Variants in CHD5 observed in about 807,000 individuals in gnomAD.
CHD5 encodes chromodomain helicase DNA binding protein 5.
A neutral mutation model predicts 230.3 loss-of-function variants in CHD5; 69 were observed. The ratio of observed to expected loss-of-function variants is 0.30; its 90% CI spans 0.25 to 0.37. The LOEUF (loss-of-function observed/expected upper bound fraction) is 0.37, where lower values mean the gene tolerates loss of function less well. Ranked by LOEUF, CHD5 falls within the 10% of genes least tolerant of loss-of-function variation. CHD5 has a pLI of 1.00. For missense variants in CHD5, 1,827 were observed against 2,622.8 expected (o/e 0.70, Z 6.63); for synonymous variants, 1,064 against 1,065.9 (o/e 1.00, Z 0.03).
At chr1:6,153,647 C>A (rs758416516) in intron 5 of CHD5, among the ~76,000 whole-genome samples, 2 of 152,042 alleles carry the variant, frequency 1.3e-5, no homozygotes, top group East Asian at 3.9e-4. Flanking sequence ...CTGGCCAACA[C>A]GGTGAAACCC....
chr1:6,159,904 A>C (rs563593732), intron 2 of CHD5, among the ~76,000 whole-genome samples: 1 of 152,376 alleles, frequency 6.6e-6, no homozygotes, highest in Non-Finnish European at 1.5e-5. Context: ...GGGCTGAATT[A>C]GTTTTACATG....
intron 15 of CHD5, among the ~76,000 whole-genome samples, chr1:6,138,329 A>T (rs1401730702): frequency 6.6e-6 from 1 of 151,460 alleles, no homozygotes; most frequent in Non-Finnish European, 1.5e-5. Context: ...GTGAGCCGAG[A>T]TCACACCATT....
chr1:6,110,409 C>T lies in CHD5; in HGVS notation c.5367G>A (p.Leu1789=). ...GAAGACAGACCTTAAACCTGCGGGCCAGGAACTTGTTCTTCATCTCCAGGT... is the reference window on the plus strand; with the variant it reads ...GAAGACAGACCTTAAACCTGCGGGCTAGGAACTTGTTCTTCATCTCCAGGT... ...GNYLEMKNKF[L]ARRFKLLEQA... is the part of the protein sequence containing the mutation. Residue 1789 remains leucine, a synonymous_variant, in exon 37 of 42, where the codon CTG becomes CTA. Coordinates refer to ENST00000262450, the MANE Select transcript of CHD5 (RefSeq NM_015557.3). 6.2e-7 allele frequency: 1 copy of T among 1,614,014 alleles called. No homozygotes were observed. The highest frequency in any genetic ancestry group is 1.1e-5 in the South Asian group (1 of 91,082).
chr1:6,151,903 G>A (rs1342557037), intron 6 of CHD5, among the ~76,000 whole-genome samples: 1 of 152,172 alleles, frequency 6.6e-6, no homozygotes, highest in Non-Finnish European at 1.5e-5. Context: ...GTAAGACCTG[G>A]GCTTAGTGTC....
intron 15 of CHD5, among the ~76,000 whole-genome samples, chr1:6,139,225 TG>T (rs1666790979): frequency 1.7e-5 from 2 of 117,610 alleles, no homozygotes; most frequent in South Asian, 5.8e-4. Flanking sequence ...GTTCTGTTGT[TG>T]TTTTGTTGTT....
chr1:6,109,489 G>T (rs1666250849), intron 38 of CHD5, among the ~76,000 whole-genome samples: 1 of 152,224 alleles, frequency 6.6e-6, no homozygotes, highest in Non-Finnish European at 1.5e-5. Context: ...GTGCATTTAA[G>T]TCACGCTGTC....
At position 6,125,421 on chromosome 1, in the gene CHD5, T is replaced by C; in HGVS notation, c.4260+103A>G. 2 of 1,359,888 alleles carry C rather than the reference T, an allele frequency of 1.5e-6. No individual in the cohort carries two copies. Among genetic ancestry groups the C allele is most frequent in the Non-Finnish European group, 2.0e-6 (2 of 984,570 alleles). The allele number at this position is 1,359,888 out of a possible 1,614,324, so 84.2% of individuals were successfully genotyped here. ...GACCAAGTTCTGTCCAAGCTCCGCC[T>C]CTACCTGGCATGAGACCCGGGGCAG... On this transcript the variant is annotated intron_variant, in intron 28 of 41. Transcript: ENST00000262450. The surrounding 1 kb of genome is among the most constrained non-coding windows in gnomAD (Gnocchi z 6.7).
In CHD5 at chr1:6,155,764, C is replaced by T. The variant is rs376661672; in HGVS notation, c.388-47G>A. 4.2e-6 allele frequency: 6 copies of T among 1,440,444 alleles called. No individual in the cohort carries two copies. In the African/African-American group the frequency reaches 7.0e-5, roughly 17 times the overall value. 89.2% of individuals were successfully genotyped at this position (1,440,444 alleles called of 1,614,324 possible). The stretch of plus-strand genomic sequence containing the variant: ...GTAGAGTTGTTGAGGGGCCTTCTGA[C>T]CTGCACCCCCATCCCCAGGGTCTCT... On this transcript the variant is annotated intron_variant, in intron 3 of 41. Transcript: ENST00000262450. The surrounding 1 kb of genome is among the most constrained non-coding windows in gnomAD (Gnocchi z 4.0).
rs1316873029 is a variant in CHD5, at chr1:6,169,254, ACT to A, written c.80-979_80-978del. Among the ~76,000 whole-genome samples, 8 of 152,232 alleles carry A rather than the reference ACT, an allele frequency of 5.3e-5. No homozygotes were observed. In the South Asian group the frequency reaches 8.3e-4, roughly 16 times the overall value. On this transcript the variant is annotated intron_variant, in intron 1 of 41. Transcript: ENST00000262450. ...GTCCGCACTCCCCCACCTCCAACACACTCACAACGGGAAGCCAAGCGCATTCC... is the reference window on the plus strand; with the variant it reads ...GTCCGCACTCCCCCACCTCCAACACACACAACGGGAAGCCAAGCGCATTCC...
Position 6,155,500 on chromosome 1 carries a change from C to T in CHD5, c.506+99G>A. The T allele has an allele frequency of 9.5e-7, 1 of 1,049,634 alleles. No individual in the cohort carries two copies. The highest frequency in any genetic ancestry group is 1.6e-5 in the African/African-American group (1 of 63,908). The allele number at this position is 1,049,634 out of a possible 1,614,324, so 65.0% of individuals were successfully genotyped here. On this transcript the variant is annotated intron_variant, in intron 4 of 41. Coordinates refer to ENST00000262450, the MANE Select transcript of CHD5 (RefSeq NM_015557.3). This position sits in a 1 kb window ranked among gnomAD's most constrained non-coding sequence, Gnocchi z 4.0. ...TCAGTCGGTCTGACAGAGCCCACCC[C>T]TACCCCAGGTGCCGGGGCTTCACTC... is the stretch of plus-strand genomic sequence containing the variant.
rs950711215 is a variant in CHD5 at position 6,105,436 on chromosome 1, C to T, written c.*47-9G>A. The T allele has an allele frequency of 4.9e-5, 23 of 470,290 alleles. No homozygotes were observed. The highest frequency in any genetic ancestry group is 2.0e-4 in the African/African-American group (10 of 50,046). The allele number at this position is 470,290 out of a possible 1,614,324, so 29.1% of individuals were successfully genotyped here. On this transcript the variant is annotated splice_polypyrimidine_tract_variant and intron_variant, in intron 41 of 41. Coordinates refer to ENST00000262450, the MANE Select transcript of CHD5 (RefSeq NM_015557.3). The surrounding 1 kb of genome is among the most constrained non-coding windows in gnomAD (Gnocchi z 4.8). The stretch of plus-strand genomic sequence containing the variant: ...TGGCCCGGCAGGCGTGGCTGCAAAA[C>T]GCAAATCAGTGGGTTAAGCAGGTGG...
intron 38 of CHD5, among the ~76,000 whole-genome samples, chr1:6,108,702 G>A (rs1320731427): frequency 6.7e-6 from 1 of 149,694 alleles, no homozygotes; most frequent in African/African-American, 2.5e-5. Context: ...AAGGATGGAG[G>A]AATGGAGGGA....
chr1:6,114,295 T>C (rs1190773303), intron 33 of CHD5, among the ~76,000 whole-genome samples: 2 of 149,520 alleles, frequency 1.3e-5, no homozygotes, highest in Admixed American at 1.3e-4. Flanking sequence ...ATGCACCCAA[T>C]CTAAACCCAG....
rs1335842071 is a variant in CHD5 at position 6,103,003 on chromosome 1, T to G, written c.*2471A>C. On this transcript the variant is annotated 3_prime_UTR_variant, in exon 42 of 42. Transcript: ENST00000262450. Reference sequence around the variant, plus strand: ...CCAATCGCAGACTGGCACTTTGGGCTCGCGTTCATGCCCGAGGACCCTGAT... The same window carrying G: ...CCAATCGCAGACTGGCACTTTGGGCGCGCGTTCATGCCCGAGGACCCTGAT... 6.6e-6 allele frequency: 1 copy of G among 152,440 alleles called. No homozygotes were observed. Among genetic ancestry groups the G allele is most frequent in the Non-Finnish European group, 1.5e-5 (1 of 68,060 alleles). The allele number at this position is 152,440 out of a possible 1,614,324, so 9.4% of individuals were successfully genotyped here. A position where few individuals can be genotyped will look rare whatever the true frequency, so the allele number is the denominator to read the frequency against.
At chr1:6,132,880 TTCTC>T (rs111561200) in intron 20 of CHD5, among the ~76,000 whole-genome samples, 2,928 of 144,442 alleles carry the variant, frequency 0.02, 60 homozygotes, top group African/African-American at 0.055. Flanking sequence ...TCCTATTCTT[TTCTC>T]TCTCTCTCTC....
chr1:6,171,100 AC>A (rs1667331317), intron 1 of CHD5, among the ~76,000 whole-genome samples: 1 of 152,184 alleles, frequency 6.6e-6, no homozygotes, highest in South Asian at 2.1e-4. Context: ...GACTTAGGAA[AC>A]CCAGCCCAGC....
chr1:6,144,117 C>T lies in CHD5; in HGVS notation c.1841G>A (p.Trp614Ter). Residue 614 changes from tryptophan to a stop codon, truncating the protein, a stop_gained, in exon 12 of 42, where the codon TGG (tryptophan) becomes TAG (stop). Coordinates refer to ENST00000262450, the MANE Select transcript of CHD5 (RefSeq NM_015557.3). LOFTEE classifies it high-confidence loss of function. ...GCACTGGTCGTAGGGCAGGTCTTTC[C>T]ACTTGATCAGGTAGTGCACATCCCC... Reference protein sequence around the residue: ...KKGDVHYLIKWKDLPYDQCTW... With the variant: ...KKGDVHYLIK 1 of 1,614,198 alleles carries T rather than the reference C, an allele frequency of 6.2e-7. No individual in the cohort carries two copies. Among genetic ancestry groups the T allele is most frequent in the Non-Finnish European group, 8.5e-7 (1 of 1,180,032 alleles).
rs1023216329 is a variant in CHD5 at position 6,157,619 on chromosome 1, C to G, written c.387+1717G>C. Reference sequence around the variant, plus strand: ...GTCTGCCCATCCAGGCTGCGGGAGGCCTCCAGAGCCCATTCTTGCCTCCTG... The same window carrying G: ...GTCTGCCCATCCAGGCTGCGGGAGGGCTCCAGAGCCCATTCTTGCCTCCTG... On this transcript the variant is annotated intron_variant, in intron 3 of 41. Coordinates refer to ENST00000262450, the MANE Select transcript of CHD5 (RefSeq NM_015557.3). 5.3e-5 allele frequency among the ~76,000 whole-genome samples: 8 copies of G among 152,326 alleles called. No homozygotes were observed. In the East Asian group the frequency reaches 1.5e-3, roughly 29 times the overall value.
intron 1 of CHD5, among the ~76,000 whole-genome samples, chr1:6,168,642 C>CTGAT (rs1288274989): frequency 6.6e-6 from 1 of 152,210 alleles, no homozygotes; most frequent in Non-Finnish European, 1.5e-5. Flanking sequence ...GGAGTTGGGG[C>CTGAT]TGATAGAGCA....
Sources: gnomAD v4.1 joint callset for allele counts (sites outside exome capture counted in the v4.1 genomes callset) on GRCh38, gnomAD v4.1.1 for gene constraint, Gnocchi (gnomAD v3.1) non-coding constraint, MANE v1.5 for transcripts, NCBI Gene and HGNC (gene_info 2026-07-23, HGNC 2026-07-21) for gene names.